Variants in TMCC1 observed in about 807,000 individuals in gnomAD.
The protein encoded by TMCC1 is transmembrane and coiled-coil domains protein 1.
TMCC1 carries 15 observed loss-of-function variants against 52.4 expected under a neutral mutation model. The observed-to-expected ratio is 0.29, with a 90% confidence interval of 0.19 to 0.44. TMCC1 has a LOEUF of 0.44. Among genes scored for constraint, TMCC1 ranks in the 20% least tolerant of loss-of-function variants. The pLI, the probability that TMCC1 is intolerant of heterozygous loss-of-function variation, is 1.00. For synonymous variants in TMCC1, 279 were observed against 301.9 expected, an observed-to-expected ratio of 0.92 and a Z score of 0.79; for missense variants, 503 against 806.0, an observed-to-expected ratio of 0.62 and a Z score of 4.55.
intron 2 of TMCC1, among the ~76,000 whole-genome samples, chr3:129,838,591 A>G (rs1181183710): frequency 2.6e-5 from 4 of 151,608 alleles, no homozygotes; most frequent in African/African-American, 2.4e-5. Context: ...CGTCTCTACT[A>G]AAAATACAAA....
intron 4 of TMCC1, among the ~76,000 whole-genome samples, chr3:129,686,182 A>T (rs1031781572): frequency 2.0e-5 from 3 of 152,170 alleles, no homozygotes; most frequent in Non-Finnish European, 4.4e-5. Context: ...GCTTCCTACA[A>T]TTTTAGAATA....
At position 129,774,419 on chromosome 3, in the gene TMCC1, T is replaced by A. The variant is rs571314279; in HGVS notation, c.576+53384A>T. 2.6e-5 allele frequency among the ~76,000 whole-genome samples: 4 copies of A among 152,304 alleles called. No homozygotes were observed. In the South Asian group the frequency reaches 8.3e-4, roughly 32 times the overall value. ...AATATACTACCTTTCTTCCCACAGC[T>A]CACCTTCAATAAATGTATGTTAAGA... On this transcript the variant is annotated intron_variant, in intron 4 of 6. Transcript: ENST00000393238.
intron 4 of TMCC1, among the ~76,000 whole-genome samples, chr3:129,690,109 A>G (rs1435882542): frequency 1.3e-5 from 2 of 152,206 alleles, no homozygotes; most frequent in East Asian, 1.9e-4. Flanking sequence ...ACAAACCGCT[A>G]TTACCACTGT....
chr3:129,676,450 T>G (rs970276965), intron 4 of TMCC1, among the ~76,000 whole-genome samples: 1 of 152,210 alleles, frequency 6.6e-6, no homozygotes, highest in Non-Finnish European at 1.5e-5. Flanking sequence ...TATTAAGAGA[T>G]AGTTTGTCAG....
intron 4 of TMCC1, among the ~76,000 whole-genome samples, chr3:129,728,017 T>C (rs1269320135): frequency 6.6e-6 from 1 of 152,228 alleles, no homozygotes; most frequent in Non-Finnish European, 1.5e-5. Context: ...TGAGGCTATT[T>C]GGACTTTCTG....
intron 4 of TMCC1, chr3:129,688,846 A>C (rs1413987918): frequency 1.5e-6 from 1 of 647,008 alleles, no homozygotes; most frequent in East Asian, 1.4e-4. Flanking sequence ...TTAAAGCTAC[A>C]GGGTATTAAT....
At chr3:129,838,415 T>TAAAAGA (rs566902787) in intron 2 of TMCC1, among the ~76,000 whole-genome samples, 155 of 146,806 alleles carry the variant, frequency 1.1e-3, no homozygotes, top group African/African-American at 3.5e-3. Context: ...TCTCAAAAAA[T>TAAAAGA]AAAAGAAAAA....
At chr3:129,882,453 T>G (rs1427747468) in intron 1 of TMCC1, among the ~76,000 whole-genome samples, 1 of 152,004 alleles carries the variant, frequency 6.6e-6, no homozygotes, top group Non-Finnish European at 1.5e-5. Flanking sequence ...GAAAACAGTA[T>G]GGAAGTCCTA....
At chr3:129,709,183 T>C (rs913072909) in intron 4 of TMCC1, among the ~76,000 whole-genome samples, 1 of 152,028 alleles carries the variant, frequency 6.6e-6, no homozygotes, top group Non-Finnish European at 1.5e-5. Flanking sequence ...CTTTAGATTG[T>C]CCGGTGTAGT....
chr3:129,775,513 T>G (rs897920179), intron 4 of TMCC1, among the ~76,000 whole-genome samples: 27 of 152,160 alleles, frequency 1.8e-4, no homozygotes, highest in Non-Finnish European at 1.2e-4. Flanking sequence ...GATTCTGTCT[T>G]AAGCCACTGG....
At chr3:129,807,126 TAAACA>T (rs2057512145) in intron 4 of TMCC1, among the ~76,000 whole-genome samples, 1 of 152,180 alleles carries the variant, frequency 6.6e-6, no homozygotes, top group African/African-American at 2.4e-5. Flanking sequence ...CAGGCAAAAC[TAAACA>T]ATAGTTGTTT....
At chr3:129,653,272 G>A (rs924217791) in intron 6 of TMCC1, among the ~76,000 whole-genome samples, 1 of 152,110 alleles carries the variant, frequency 6.6e-6, no homozygotes, top group Non-Finnish European at 1.5e-5. Context: ...AACATTCTTT[G>A]AACATGCTTC....
chr3:129,861,207 G>A (rs1284379016), intron 2 of TMCC1, among the ~76,000 whole-genome samples: 10 of 152,094 alleles, frequency 6.6e-5, no homozygotes, highest in African/African-American at 1.7e-4. Flanking sequence ...TTGGGAGGCC[G>A]AGGCGGGCGG....
At chr3:129,792,808 C>CA (rs1239176631) in intron 4 of TMCC1, among the ~76,000 whole-genome samples, 4 of 152,120 alleles carry the variant, frequency 2.6e-5, no homozygotes, top group African/African-American at 9.7e-5. Flanking sequence ...AAAAAGGCTA[C>CA]ATCTTTGAGT....
chr3:129,775,931 T>C (rs956175469), intron 4 of TMCC1, among the ~76,000 whole-genome samples: 1 of 152,306 alleles, frequency 6.6e-6, no homozygotes, highest in Middle Eastern at 3.4e-3. Flanking sequence ...TCAAACTCCT[T>C]ATCATAGCCA....
chr3:129,723,406 T>C (rs1195052968), intron 4 of TMCC1, among the ~76,000 whole-genome samples: 3 of 147,428 alleles, frequency 2.0e-5, no homozygotes, highest in Non-Finnish European at 4.5e-5. Context: ...CAAGAATTTT[T>C]TTTTTTTAAT....
rs1288667923 is a variant in TMCC1 at position 129,648,990 on chromosome 3, G to A, written c.*2491C>T. On this transcript the variant is annotated 3_prime_UTR_variant, in exon 7 of 7. Coordinates refer to ENST00000393238, the MANE Select transcript of TMCC1 (RefSeq NM_001017395.5). ...GAAGGTCCTTCCTAAGACAGTTTGA[G>A]AAAGGAAGATAGAAAGTCAGCATGG... 6.6e-6 allele frequency: 1 copy of A among 152,220 alleles called. No homozygotes were observed. The highest frequency in any genetic ancestry group is 1.5e-5 in the Non-Finnish European group (1 of 68,052). The allele number at this position is 152,220 out of a possible 1,614,324, so 9.4% of individuals were successfully genotyped here. A position where few individuals can be genotyped will look rare whatever the true frequency, so the allele number is the denominator to read the frequency against.
intron 2 of TMCC1, among the ~76,000 whole-genome samples, chr3:129,848,832 C>T (rs973657404): frequency 6.6e-6 from 1 of 151,988 alleles, no homozygotes; most frequent in African/African-American, 2.4e-5. Flanking sequence ...ATACTCCCTC[C>T]CCCACCTTCA....
chr3:129,655,854 A>G (rs552199783), intron 5 of TMCC1, among the ~76,000 whole-genome samples: 1 of 152,380 alleles, frequency 6.6e-6, no homozygotes, highest in African/African-American at 2.4e-5. Flanking sequence ...AAGTGCTGGG[A>G]TTACAGGCGT....
Sources: allele counts gnomAD v4.1 joint callset (sites outside exome capture counted in the v4.1 genomes callset), GRCh38; gene constraint gnomAD v4.1.1; transcripts MANE v1.5; gene names NCBI Gene and HGNC (gene_info 2026-07-23, HGNC 2026-07-21).